RALGAPA1: variants seen among roughly 807,000 people sequenced by gnomAD.
RALGAPA1 encodes the protein Ral GTPase activating protein catalytic subunit alpha 1, also known as ral GTPase-activating protein subunit alpha-1.
RALGAPA1 carries 52 observed loss-of-function variants against 269.6 expected under a neutral mutation model. The ratio of observed to expected loss-of-function variants is 0.19; its 90% CI spans 0.15 to 0.24. The LOEUF is 0.24. RALGAPA1 is among the 10% of genes least tolerant of loss of function. The probability of loss-of-function intolerance (pLI) is 1.00; values close to 1 mark genes in which losing one functional copy is unlikely to be tolerated. For synonymous variants in RALGAPA1, 817 were observed against 1,008.3 expected (o/e 0.81, Z 3.60); for missense variants, 1,917 against 3,013.9 (o/e 0.64, Z 8.52).
chr14:35,749,732 G>A (rs980985620), intron 9 of RALGAPA1, among the ~76,000 whole-genome samples: 36 of 152,044 alleles, frequency 2.4e-4, no homozygotes, highest in African/African-American at 8.0e-4. Flanking sequence ...GTTTGCTAAA[G>A]ATAAATAAAC....
Position 35,802,714 on chromosome 14 carries a change from C to T in RALGAPA1, c.106+6016G>A, listed in dbSNP as rs567063158. ...CTTTAAAAAAAAAAATACAGTGTCA[C>T]TGTGTCACCCAGGCTGGAGTGCAGT... On this transcript the variant is annotated intron_variant, in intron 1 of 41. Transcript: ENST00000680220. Among the ~76,000 whole-genome samples, 5 of 148,908 alleles carry T rather than the reference C, an allele frequency of 3.4e-5. No homozygotes were observed. The East Asian group carries it at 9.9e-4, about 30-fold the overall frequency.
intron 12 of RALGAPA1, among the ~76,000 whole-genome samples, chr14:35,737,632 A>T (rs2071124776): frequency 6.6e-6 from 1 of 151,080 alleles, no homozygotes; most frequent in South Asian, 2.1e-4. Context: ...GGTGGCGGGC[A>T]CCTGTAATCC....
At chr14:35,655,758 T>C (rs765302281) in intron 29 of RALGAPA1, 49 bp downstream of exon 29, 1 of 1,569,858 alleles carries the variant, frequency 6.4e-7, no homozygotes, top group South Asian at 1.2e-5. Context: ...GAGAAAAAAA[T>C]ATGCATTCTC....
At chr14:35,724,915 TG>T in intron 14 of RALGAPA1, 108 bp downstream of exon 14, 1 of 857,446 alleles carries the variant, frequency 1.2e-6, no homozygotes, top group Non-Finnish European at 1.6e-6. Flanking sequence ...CTTTTTTTTC[TG>T]GTAACAAGTT....
chr14:35,712,698 G>A (rs1361797774), intron 16 of RALGAPA1, among the ~76,000 whole-genome samples: 1 of 152,050 alleles, frequency 6.6e-6, no homozygotes, highest in Admixed American at 6.6e-5. Flanking sequence ...GTAGAGACAG[G>A]GTCTCACTAT....
chr14:35,688,560 T>A lies in RALGAPA1; in HGVS notation c.3851A>T (p.Lys1284Met), dbSNP rs1326155527. ...CTGCCTCTGTGGGGAAACATTTGCC[T>A]TCGGCTTCGAAAGAGCATGTACAAC... ...KTVVHALSKP[K>M]ANVSPQRQNR... The change falls in exon 18 of 42, where the codon AAG (lysine) becomes ATG (methionine). Residue 1284 changes from lysine (K) to methionine (M), a missense_variant. Around this residue, in one of 11 missense-constraint regions of RALGAPA1, gnomAD observed 615 missense variants for 790.0 expected, o/e 0.78. Coordinates refer to ENST00000680220, the MANE Select transcript of RALGAPA1 (RefSeq NM_001346249.2). 6.5e-7 allele frequency: 1 copy of A among 1,536,120 alleles called. No homozygotes were observed. The highest frequency in any genetic ancestry group is 1.4e-5 in the African/African-American group (1 of 73,182).
At chr14:35,624,156 C>CAAAAAAAAAA (rs377171729) in intron 35 of RALGAPA1, among the ~76,000 whole-genome samples, 1 of 21,836 alleles carries the variant, frequency 4.6e-5, no homozygotes, top group African/African-American at 1.1e-4. Context: ...TAATACAACG[C>CAAAAAAAAAA]AAAAAAAAAA....
intron 17 of RALGAPA1, among the ~76,000 whole-genome samples, chr14:35,696,793 G>C (rs2066936958): frequency 6.6e-6 from 1 of 152,030 alleles, no homozygotes; most frequent in Admixed American, 6.6e-5. Flanking sequence ...TTCAGAGATA[G>C]ACTCAGGAAA....
rs745623427 is a variant in RALGAPA1 at position 35,691,070 on chromosome 14, A to AAAT, written c.2408-1070_2408-1068dup. The stretch of plus-strand genomic sequence containing the variant: ...GGCAACAAGAGCAAAACTCCGTCTC[A>AAAT]AATAATAATAATAATAATAATTATT... On this transcript the variant is annotated intron_variant, in intron 17 of 41. Coordinates refer to ENST00000680220, the MANE Select transcript of RALGAPA1 (RefSeq NM_001346249.2). 7.5e-3 allele frequency among the ~76,000 whole-genome samples: 1,115 copies of AAAT among 149,364 alleles called. 13 individuals carry two copies. Among genetic ancestry groups the AAAT allele is most frequent in the South Asian group, 0.044 (203 of 4,646 alleles).
At chr14:35,795,109 T>G (rs1004781058) in intron 1 of RALGAPA1, among the ~76,000 whole-genome samples, 3 of 152,162 alleles carry the variant, frequency 2.0e-5, no homozygotes, top group African/African-American at 4.8e-5. Flanking sequence ...TCAGCATGTA[T>G]GGACATCAGG....
chr14:35,731,904 C>A lies in RALGAPA1; in HGVS notation c.1588-3394G>T, dbSNP rs564565586. Among the ~76,000 whole-genome samples the A allele has an allele frequency of 1.3e-3, 203 of 152,194 alleles. 1 individual carries two copies. The highest frequency in any genetic ancestry group is 0.013 in the Admixed American group (199 of 15,290). ...CAAAGAACACCTGGGAAATTCACTG[C>A]AAAAAGATCATCACCTAGGCACATT... is the stretch of plus-strand genomic sequence containing the variant. On this transcript the variant is annotated intron_variant, in intron 12 of 41. Coordinates refer to ENST00000680220, the MANE Select transcript of RALGAPA1 (RefSeq NM_001346249.2).
At chr14:35,553,767 G>T (rs2055257513) in intron 39 of RALGAPA1, among the ~76,000 whole-genome samples, 1 of 152,050 alleles carries the variant, frequency 6.6e-6, no homozygotes, top group Non-Finnish European at 1.5e-5. Context: ...CTGTATAATT[G>T]CTTATTTTCC....
rs2063567165 is a variant in RALGAPA1, at chr14:35,662,023, T to C, written c.5328+2619A>G. ...GTTTCTTTGGTGATGACGAAAATGT[T>C]CTAATATTGACTGTGATGATGGTTG... On this transcript the variant is annotated intron_variant, in intron 27 of 41. Transcript: ENST00000680220. Among the ~76,000 whole-genome samples, 3 of 152,306 alleles carry C rather than the reference T, an allele frequency of 2.0e-5. No individual in the cohort carries two copies. The South Asian group carries it at 6.2e-4, about 32-fold the overall frequency.
At chr14:35,602,524 G>C (rs964517510) in intron 36 of RALGAPA1, among the ~76,000 whole-genome samples, 1 of 152,188 alleles carries the variant, frequency 6.6e-6, no homozygotes, top group African/African-American at 2.4e-5. Flanking sequence ...GGTGTGAAAT[G>C]ATACCTACTA....
chr14:35,751,909 A>G, intron 8 of RALGAPA1, 115 bp downstream of exon 8: 2 of 1,405,870 alleles, frequency 1.4e-6, no homozygotes, highest in Non-Finnish European at 1.9e-6. Flanking sequence ...ATCTATACCA[A>G]CCAATACAAG....
intron 30 of RALGAPA1, 89 bp from the exon 31 acceptor site, chr14:35,651,962 T>C (rs559241399): frequency 1.9e-6 from 2 of 1,028,624 alleles, no homozygotes; most frequent in South Asian, 1.8e-5. Context: ...GCTGAAGTGA[T>C]ACAAAACCTA....
In RALGAPA1 at chr14:35,779,304, T is replaced by C. The variant is rs367680222; in HGVS notation, c.107-3559A>G. Reference sequence around the variant, plus strand: ...ACTTTAGGAGGCTGAAGTGGGAGGGTTGTTTGAGGCCAGGAGTTTGAGATC... The same window carrying C: ...ACTTTAGGAGGCTGAAGTGGGAGGGCTGTTTGAGGCCAGGAGTTTGAGATC... On this transcript the variant is annotated intron_variant, in intron 1 of 41. Transcript: ENST00000680220. 1.1e-4 allele frequency among the ~76,000 whole-genome samples: 17 copies of C among 151,870 alleles called. No individual in the cohort carries two copies. The East Asian group carries it at 2.1e-3, about 19-fold the overall frequency.
intron 17 of RALGAPA1, among the ~76,000 whole-genome samples, chr14:35,699,239 T>C (rs2067142864): frequency 6.6e-6 from 1 of 152,178 alleles, no homozygotes; most frequent in Admixed American, 6.5e-5. Context: ...ATTTTATTTA[T>C]GCCAAAAAAA....
chr14:35,680,240 C>T (rs1200695597), intron 21 of RALGAPA1, among the ~76,000 whole-genome samples: 5 of 152,154 alleles, frequency 3.3e-5, no homozygotes, highest in African/African-American at 9.7e-5. Context: ...TGGAGTCTCG[C>T]TCTGTTGCTC....
Sources: gnomAD v4.1 joint callset for allele counts (sites outside exome capture counted in the v4.1 genomes callset) on GRCh38, gnomAD v4.1.1 for gene constraint, gnomAD v4.1.1 regional missense constraint, MANE v1.5 for transcripts, NCBI Gene and HGNC (gene_info 2026-07-23, HGNC 2026-07-21) for gene names.